CCDC144A: variants seen among roughly 807,000 people sequenced by gnomAD.
The protein encoded by CCDC144A is coiled-coil domain containing 144A, also known as coiled-coil domain-containing protein 144A.
A neutral mutation model predicts 143.8 loss-of-function variants in CCDC144A; 41 were observed. The ratio of observed to expected loss-of-function variants is 0.29; its 90% CI spans 0.22 to 0.37. The LOEUF (loss-of-function observed/expected upper bound fraction) is 0.37, where lower values mean the gene tolerates loss of function less well. Among genes scored for constraint, CCDC144A ranks in the 10% least tolerant of loss-of-function variants. The pLI, the probability that CCDC144A is intolerant of heterozygous loss-of-function variation, is 1.00. For missense variants in CCDC144A, 637 were observed against 1,488.8 expected (o/e 0.43, Z 9.41); for synonymous variants, 242 against 517.9 (o/e 0.47, Z 7.23).
chr17:16,768,088 A>G (rs1287064235), intron 15 of CCDC144A, among the ~76,000 whole-genome samples: 8 of 152,290 alleles, frequency 5.3e-5, no homozygotes, highest in Non-Finnish European at 8.8e-5. Context: ...GCATTCGTCT[A>G]TAGACATAAG....
chr17:16,770,596 C>T (rs2621498), intron 15 of CCDC144A, among the ~76,000 whole-genome samples: 19,735 of 140,534 alleles, frequency 0.14, 2,085 homozygotes, highest in African/African-American at 0.35. Flanking sequence ...GCAGTCTCTC[C>T]GAGCCTGTTT....
intron 8 of CCDC144A, among the ~76,000 whole-genome samples, chr17:16,724,387 A>T (rs1352318178): frequency 3.3e-5 from 5 of 152,064 alleles, no homozygotes; most frequent in Admixed American, 6.6e-5. Context: ...AATACAAAAA[A>T]TTAGCAGGGC....
chr17:16,699,295 G>A (rs1473976200), intron 2 of CCDC144A, among the ~76,000 whole-genome samples: 2 of 148,744 alleles, frequency 1.3e-5, no homozygotes, highest in African/African-American at 2.5e-5. Context: ...TACATAAGAT[G>A]TCTCTTCTCC....
At position 16,775,501 on chromosome 17, in the gene CCDC144A, C is replaced by G. The variant is rs998714242; in HGVS notation, c.*1868C>G. The G allele has an allele frequency of 1.3e-5, 2 of 152,202 alleles. No homozygotes were observed. Among genetic ancestry groups the G allele is most frequent in the Admixed American group, 6.5e-5 (1 of 15,284 alleles). 9.4% of individuals were successfully genotyped at this position (152,202 alleles called of 1,614,324 possible). A position where few individuals can be genotyped will look rare whatever the true frequency, so the allele number is the denominator to read the frequency against. ...TGTTTGTTGGCTGCATGTATGCCTT[C>G]TTTTGAAAAGTGTCTGTTTGTGTCC... On this transcript the variant is annotated 3_prime_UTR_variant, in exon 17 of 17. Coordinates refer to ENST00000399273, the MANE Select transcript of CCDC144A (RefSeq NM_001382000.1).
intron 5 of CCDC144A, among the ~76,000 whole-genome samples, chr17:16,711,154 A>AAAAAAAAAAAC (rs1261984842): frequency 2.1e-5 from 3 of 142,550 alleles, no homozygotes; most frequent in African/African-American, 7.8e-5. Context: ...AAAAAAAAAA[A>AAAAAAAAAAAC]AAAACAAAAG....
Position 16,711,779 on chromosome 17 carries a change from A to C in CCDC144A, c.1679A>C (p.Gln560Pro), listed in dbSNP as rs371240426. The C allele has an allele frequency of 1.0e-3, 1,660 of 1,590,558 alleles. 15 individuals carry two copies. The African/African-American group carries it at 0.02, about 19-fold the overall frequency. The change falls in exon 6 of 17, where the codon CAG becomes CCG. Residue 560 changes from glutamine to proline, a missense_variant. Physicochemically the swap from Gln to Pro is moderately conservative, Grantham distance 76. Transcript: ENST00000399273. ...GGCAATGATGATGATGGACTAAATC[A>C]GCAGATTCCTAGGAAGGAAAATGGA... ...TVGNDDDGLN[Q>P]QIPRKENGEH... is the part of the protein sequence containing the mutation.
intron 8 of CCDC144A, among the ~76,000 whole-genome samples, chr17:16,725,734 T>C (rs1245261146): frequency 6.9e-6 from 1 of 145,956 alleles, no homozygotes; most frequent in Non-Finnish European, 1.5e-5. Flanking sequence ...AAAGAACTTA[T>C]TCATGTAACC....
chr17:16,746,216 C>T, intron 12 of CCDC144A: 4 of 1,416,978 alleles, frequency 2.8e-6, no homozygotes, highest in Non-Finnish European at 3.8e-6. Flanking sequence ...TCTTAAGAAG[C>T]TTAATCCTTA....
chr17:16,745,943 G>C, intron 12 of CCDC144A: 5 of 1,604,878 alleles, frequency 3.1e-6, no homozygotes, highest in East Asian at 2.2e-5. Flanking sequence ...GGTCAGGCTC[G>C]TGGTGAGCTC....
chr17:16,773,417 C>T (rs1915898073), intron 16 of CCDC144A, 80 bp from the exon 17 acceptor site: 11 of 1,490,668 alleles, frequency 7.4e-6, no homozygotes, highest in South Asian at 2.7e-5. Flanking sequence ...CATGGCACTC[C>T]AGCATAGGTG....
At chr17:16,771,781 A>G (rs1210659209) in intron 15 of CCDC144A, among the ~76,000 whole-genome samples, 196 bp from the exon 16 acceptor site, 1 of 152,274 alleles carries the variant, frequency 6.6e-6, no homozygotes, top group African/African-American at 2.4e-5. Flanking sequence ...TAATCTAAAC[A>G]GCATAACACA....
At chr17:16,673,731 G>A in the CCDC144A span, among the ~76,000 whole-genome samples, 2 of 152,038 alleles carry the variant, frequency 1.3e-5, no homozygotes, top group African/African-American at 4.8e-5. Flanking sequence ...TTTAATCTAT[G>A]TCCCTATAGA....
In CCDC144A at chr17:16,754,662, A is replaced by T. The variant is rs1914988527; in HGVS notation, c.3373-6763A>T. Among the ~76,000 whole-genome samples, 3 of 152,216 alleles carry T rather than the reference A, an allele frequency of 2.0e-5. No homozygotes were observed. The South Asian group carries it at 6.2e-4, about 31-fold the overall frequency. Reference sequence around the variant, plus strand: ...AAACTCAATATATGGTCTATTCTGGAGAATGTTCTATGTGCTAATGAGAAG... The same window carrying T: ...AAACTCAATATATGGTCTATTCTGGTGAATGTTCTATGTGCTAATGAGAAG... On this transcript the variant is annotated intron_variant, in intron 12 of 16. Coordinates refer to ENST00000399273, the MANE Select transcript of CCDC144A (RefSeq NM_001382000.1).
intron 8 of CCDC144A, among the ~76,000 whole-genome samples, chr17:16,725,172 C>G (rs1457563048): frequency 1.3e-5 from 2 of 151,138 alleles, no homozygotes; most frequent in African/African-American, 4.9e-5. Context: ...TAATAGGAAG[C>G]ATGGAGTAGG....
At chr17:16,770,678 T>C (rs1915793358) in intron 15 of CCDC144A, among the ~76,000 whole-genome samples, 1 of 152,112 alleles carries the variant, frequency 6.6e-6, no homozygotes, top group Admixed American at 6.5e-5. Context: ...TCTCTTTTTT[T>C]TTTAAGAATG....
intron 12 of CCDC144A, among the ~76,000 whole-genome samples, chr17:16,758,561 A>G (rs1915209370): frequency 6.6e-6 from 1 of 152,244 alleles, no homozygotes; most frequent in African/African-American, 2.4e-5. Context: ...CACAAAGGGA[A>G]TATTAGACCA....
chr17:16,720,303 AATAAG>A (rs1913017407), intron 7 of CCDC144A, 72 bp downstream of exon 7: 1 of 1,511,882 alleles, frequency 6.6e-7, no homozygotes, highest in Non-Finnish European at 8.8e-7. Flanking sequence ...AAATGAAAAA[AATAAG>A]ATGTTTTGTT....
the CCDC144A span, among the ~76,000 whole-genome samples, chr17:16,680,009 G>A: frequency 2.6e-5 from 4 of 151,970 alleles, no homozygotes; most frequent in Non-Finnish European, 2.9e-5. Flanking sequence ...AGAAGAAATT[G>A]AAAATATCTA....
intron 12 of CCDC144A, among the ~76,000 whole-genome samples, chr17:16,751,368 A>C (rs532133674): frequency 3.8e-4 from 58 of 152,126 alleles, no homozygotes; most frequent in African/African-American, 1.3e-3. Flanking sequence ...GAAGGTATAT[A>C]ATGATTTTTG....
Sources: allele counts gnomAD v4.1 joint callset (sites outside exome capture counted in the v4.1 genomes callset), GRCh38; gene constraint gnomAD v4.1.1; transcripts MANE v1.5; gene names NCBI Gene and HGNC (gene_info 2026-07-23, HGNC 2026-07-21).